Variants in ATCAY observed in about 807,000 individuals in gnomAD.
ATCAY encodes caytaxin.
A neutral mutation model predicts 47.7 loss-of-function variants in ATCAY; 22 were observed. That is an observed-to-expected ratio of 0.46 (90% CI 0.33 to 0.66). The LOEUF (loss-of-function observed/expected upper bound fraction) is 0.66. ATCAY is among the 30% of genes least tolerant of loss of function. The probability of loss-of-function intolerance (pLI) is 0.02; values close to 1 mark genes in which losing one functional copy is unlikely to be tolerated. For missense variants in ATCAY, 452 were observed against 515.0 expected, an observed-to-expected ratio of 0.88 and a Z score of 1.18; for synonymous variants, 216 against 207.6, an observed-to-expected ratio of 1.04 and a Z score of -0.35.
intron 6 of ATCAY, among the ~76,000 whole-genome samples, chr19:3,908,662 TTC>T (rs2145249360): frequency 1.5e-5 from 1 of 67,016 alleles, no homozygotes; most frequent in African/African-American, 6.6e-5. Flanking sequence ...CCCTTCCCCT[TTC>T]TTCTCCTCCT....
chr19:3,907,957 C>T lies in ATCAY; in HGVS notation c.544+38C>T, dbSNP rs764477206. On this transcript the variant is annotated intron_variant, in intron 5 of 12. Transcript: ENST00000450849. The surrounding 1 kb of genome is among the most constrained non-coding windows in gnomAD (Gnocchi z 5.1). ...CCCCGGTGCCCCCTTGGGGCTCCAG[C>T]CCGGCCCACTGGGCAACAGGGGGTT... The T allele has an allele frequency of 6.3e-7, 1 of 1,594,316 alleles. No individual in the cohort carries two copies. Among genetic ancestry groups the T allele is most frequent in the East Asian group, 2.3e-5 (1 of 43,842 alleles).
At chr19:3,916,287 A>C (rs1179731045) in intron 9 of ATCAY, among the ~76,000 whole-genome samples, 1 of 152,072 alleles carries the variant, frequency 6.6e-6, no homozygotes, top group African/African-American at 2.4e-5. Flanking sequence ...TTGTCAATCC[A>C]TTTGTCCATC....
At chr19:3,898,511 A>G (rs2038788097) in intron 2 of ATCAY, among the ~76,000 whole-genome samples, 1 of 152,140 alleles carries the variant, frequency 6.6e-6, no homozygotes, top group Non-Finnish European at 1.5e-5. Context: ...GGAATCACAC[A>G]CTGTGTGGCC....
intron 2 of ATCAY, among the ~76,000 whole-genome samples, chr19:3,886,782 C>T (rs1163879113): frequency 6.8e-6 from 1 of 146,712 alleles, no homozygotes; most frequent in African/African-American, 2.5e-5. Flanking sequence ...GGCACGATCT[C>T]AGGTCACTGC....
chr19:3,884,343 C>G (rs970488936), intron 1 of ATCAY, among the ~76,000 whole-genome samples: 5 of 152,006 alleles, frequency 3.3e-5, no homozygotes, highest in African/African-American at 1.2e-4. Context: ...ATGAGGGTCT[C>G]CTTTCTAACC....
chr19:3,900,481 T>G (rs903509771), intron 2 of ATCAY, among the ~76,000 whole-genome samples: 14 of 152,096 alleles, frequency 9.2e-5, no homozygotes, highest in Admixed American at 2.0e-4. Context: ...CTCCTGACAC[T>G]CCTCTGGACT....
At chr19:3,917,663 G>C in intron 9 of ATCAY, 79 bp from the exon 10 acceptor site, 1 of 1,433,776 alleles carries the variant, frequency 7.0e-7, no homozygotes, top group Non-Finnish European at 9.6e-7. Context: ...TTCTCTGCTT[G>C]AAAAGGAAAG....
At position 3,887,692 on chromosome 19, in the gene ATCAY, T is replaced by C. The variant is rs575684370; in HGVS notation, c.77+1848T>C. Among the ~76,000 whole-genome samples, 393 of 150,508 alleles carry C rather than the reference T, an allele frequency of 2.6e-3. 2 individuals are homozygous for C. The highest frequency in any genetic ancestry group is 8.4e-3 in the African/African-American group (348 of 41,306). On this transcript the variant is annotated intron_variant, in intron 2 of 12. Coordinates refer to ENST00000450849, the MANE Select transcript of ATCAY (RefSeq NM_033064.5). Reference sequence around the variant, plus strand: ...TAGTAGAGACGGGGTTTCACCATGTTAGCCAGGATGGTCTCGATCGTCTGA... The same window carrying C: ...TAGTAGAGACGGGGTTTCACCATGTCAGCCAGGATGGTCTCGATCGTCTGA...
At chr19:3,904,660 G>A (rs1265737025) in intron 3 of ATCAY, among the ~76,000 whole-genome samples, 3 of 148,034 alleles carry the variant, frequency 2.0e-5, no homozygotes, top group East Asian at 2.0e-4. Flanking sequence ...ACACACACAC[G>A]TCCTATTGGA....
chr19:3,893,280 T>A (rs1159573281), intron 2 of ATCAY, among the ~76,000 whole-genome samples: 1 of 150,962 alleles, frequency 6.6e-6, no homozygotes, highest in Non-Finnish European at 1.5e-5. Context: ...TTCAAGCGAC[T>A]CTCCTGCCTC....
intron 2 of ATCAY, among the ~76,000 whole-genome samples, chr19:3,889,346 G>C (rs1266468707): frequency 6.6e-6 from 1 of 152,156 alleles, no homozygotes; most frequent in Non-Finnish European, 1.5e-5. Flanking sequence ...GCGGGAGGCG[G>C]AGGTTGCAGT....
intron 1 of ATCAY, among the ~76,000 whole-genome samples, chr19:3,882,026 C>G (rs1035947987): frequency 3.9e-5 from 6 of 152,014 alleles, no homozygotes; most frequent in African/African-American, 1.4e-4. Flanking sequence ...GCCGTCCCCT[C>G]CCCCCACTTC....
intron 6 of ATCAY, 69 bp from the exon 7 acceptor site, chr19:3,909,417 C>A (rs2038903122): frequency 1.3e-6 from 2 of 1,519,602 alleles, no homozygotes; most frequent in Non-Finnish European, 1.8e-6. Flanking sequence ...CAGGCAGGGT[C>A]GGCACCGCAG....
At chr19:3,903,254 G>A (rs112684812) in intron 3 of ATCAY, among the ~76,000 whole-genome samples, 7,343 of 151,810 alleles carry the variant, frequency 0.048, 610 homozygotes, top group African/African-American at 0.17. Flanking sequence ...GATTACGGGC[G>A]TGAGCCACCA....
chr19:3,905,777 C>G (rs2038854988), intron 4 of ATCAY, 122 bp downstream of exon 4: 1 of 852,434 alleles, frequency 1.2e-6, no homozygotes, highest in South Asian at 1.8e-5. Context: ...GCAGTCTAGC[C>G]TTAAACCCAG....
chr19:3,891,053 T>A (rs1599278303), intron 2 of ATCAY, among the ~76,000 whole-genome samples: 1 of 123,754 alleles, frequency 8.1e-6, no homozygotes, highest in African/African-American at 3.1e-5. Flanking sequence ...CTTCTAGCAC[T>A]TTTTTTTTTT....
intron 9 of ATCAY, among the ~76,000 whole-genome samples, chr19:3,914,950 T>C (rs2038954255): frequency 6.6e-6 from 1 of 151,248 alleles, no homozygotes. Context: ...AGGGAGGAAC[T>C]AGAACCCACC....
intron 12 of ATCAY, 69 bp from the exon 13 acceptor site, chr19:3,924,514 C>T (rs1052593138): frequency 1.3e-6 from 2 of 1,580,134 alleles, no homozygotes; most frequent in Admixed American, 1.7e-5. Context: ...GGATTACATA[C>T]ATGTAGAAGC....
rs2038591893 is a variant in ATCAY at position 3,880,876 on chromosome 19, G to C, written c.-174G>C. The C allele has an allele frequency of 2.0e-5, 3 of 152,388 alleles. No individual in the cohort carries two copies. The highest frequency in any genetic ancestry group is 2.0e-4 in the Admixed American group (3 of 15,268). The allele number at this position is 152,388 out of a possible 1,614,324, so 9.4% of individuals were successfully genotyped here. On this transcript the variant is annotated 5_prime_UTR_variant, in exon 1 of 13. Transcript: ENST00000450849. ...CCCTGGGTGACCTTCCTCGGATGCA[G>C]AATCCGCCCCTGCGAGCATCCTCTT... is the stretch of plus-strand genomic sequence containing the variant.
Sources: allele counts gnomAD v4.1 joint callset (sites outside exome capture counted in the v4.1 genomes callset), GRCh38; gene constraint gnomAD v4.1.1; non-coding constraint Gnocchi (gnomAD v3.1); transcripts MANE v1.5; gene names NCBI Gene and HGNC (gene_info 2026-07-23, HGNC 2026-07-21).